The following SHROOM2 variants were observed in gnomAD, a reference collection of about 807,000 sequenced individuals.
SHROOM2 encodes the protein shroom family member 2.
In SHROOM2, 33 loss-of-function variants were observed where a neutral mutation model predicts 75.9. The observed-to-expected ratio is 0.43, with a 90% confidence interval of 0.33 to 0.58. SHROOM2 has a LOEUF of 0.58. SHROOM2 is among the 20% of genes least tolerant of loss of function. The probability of loss-of-function intolerance (pLI) is 0.04; values close to 1 mark genes in which losing one functional copy is unlikely to be tolerated. For missense variants in SHROOM2, 1,434 were observed against 1,461.2 expected (o/e 0.98, Z 0.30); for synonymous variants, 655 against 663.6 (o/e 0.99, Z 0.20).
intron 1 of SHROOM2, among the ~76,000 whole-genome samples, chrX:9,793,351 A>G (rs1170210499): frequency 9.3e-6 from 1 of 107,141 alleles, no homozygotes; most frequent in Non-Finnish European, 1.9e-5. Context: ...GTGCAATGGC[A>G]TGATCTCGGC....
intron 8 of SHROOM2, among the ~76,000 whole-genome samples, chrX:9,941,699 C>T (rs1006804230): frequency 9.9e-5 from 11 of 110,741 alleles, no homozygotes; most frequent in East Asian, 2.8e-4. Context: ...CGGCCGGGCG[C>T]GGTGGCTCAC....
At chrX:9,938,508 G>A (rs900097544) in intron 7 of SHROOM2, among the ~76,000 whole-genome samples, 3 of 111,930 alleles carry the variant, frequency 2.7e-5, no homozygotes, top group African/African-American at 9.8e-5. Flanking sequence ...AGCTATGATG[G>A]TGCCACTGCA....
rs1003656051 is a variant in SHROOM2, at chrX:9,882,962, C to T, written c.318-8015C>T. 2.7e-5 allele frequency among the ~76,000 whole-genome samples: 3 copies of T among 112,459 alleles called. No homozygotes were observed. In the Admixed American group the frequency reaches 2.8e-4, roughly 11 times the overall value. On this transcript the variant is annotated intron_variant, in intron 2 of 9. Coordinates refer to ENST00000380913, the MANE Select transcript of SHROOM2 (RefSeq NM_001649.4). ...ATGTCACCATTCACGCAGGCATTGC[C>T]GCACCACTGCCTGGGAAAAGACACT... is the stretch of plus-strand genomic sequence containing the variant.
intron 1 of SHROOM2, among the ~76,000 whole-genome samples, chrX:9,814,140 C>T (rs1295348630): frequency 8.9e-6 from 1 of 111,803 alleles, no homozygotes; most frequent in African/African-American, 3.3e-5. Flanking sequence ...ATCCCAATCT[C>T]CCTAAGCCTT....
In SHROOM2 at chrX:9,896,845, G is replaced by A. The variant is rs753608320; in HGVS notation, c.2790+147G>A. 9 of 630,679 alleles carry A rather than the reference G, an allele frequency of 1.4e-5. No homozygotes were observed. In the East Asian group the frequency reaches 3.5e-4, roughly 24 times the overall value. The allele number at this position is 630,679 out of a possible 1,213,427, so 52.0% of individuals were successfully genotyped here. On this transcript the variant is annotated intron_variant, in intron 4 of 9. Transcript: ENST00000380913. ...GATCTCCTAGTGTCCTCTGTTAGAGGTATTTGGGGACAAAGTTGACACCTT... is the reference window on the plus strand; with the variant it reads ...GATCTCCTAGTGTCCTCTGTTAGAGATATTTGGGGACAAAGTTGACACCTT...
chrX:9,876,298 C>T (rs1448659801), intron 2 of SHROOM2, among the ~76,000 whole-genome samples: 1 of 112,181 alleles, frequency 8.9e-6, no homozygotes, highest in Non-Finnish European at 1.9e-5. Flanking sequence ...TGCTCTCACA[C>T]AACACTCAAC....
In SHROOM2 at chrX:9,949,091, A is replaced by G. The variant is rs2084848830; in HGVS notation, c.*2154A>G. The G allele has an allele frequency of 4.4e-6, 1 of 226,180 alleles. No homozygotes were observed. The highest frequency in any genetic ancestry group is 8.4e-6 in the Non-Finnish European group (1 of 118,727). 18.6% of individuals were successfully genotyped at this position (226,180 alleles called of 1,213,427 possible). A position where few individuals can be genotyped will look rare whatever the true frequency, so the allele number is the denominator to read the frequency against. On this transcript the variant is annotated 3_prime_UTR_variant, in exon 10 of 10. Transcript: ENST00000380913. ...TGCTCGAGTATCCTTGTAGCAAAGCACATAGAGCCAGCTGTCCTGTCAGTT... is the reference window on the plus strand; with the variant it reads ...TGCTCGAGTATCCTTGTAGCAAAGCGCATAGAGCCAGCTGTCCTGTCAGTT...
At position 9,809,096 on chromosome X, in the gene SHROOM2, TAGTC is replaced by T. The variant is rs1057197532; in HGVS notation, c.165+22389_165+22392del. 2.8e-5 allele frequency among the ~76,000 whole-genome samples: 3 copies of T among 107,182 alleles called. No homozygotes were observed. In the Admixed American group the frequency reaches 3.1e-4, roughly 11 times the overall value. 93.1% of individuals were successfully genotyped at this position (107,182 alleles called of 115,157 possible). A position where few individuals can be genotyped will look rare whatever the true frequency, so the allele number is the denominator to read the frequency against. Reference sequence around the variant, plus strand: ...CCCACACTGATCTGCTTTCTCTTATTAGTCAGGGTTCTCTAGAGAGACAGAACTA... The same window carrying T: ...CCCACACTGATCTGCTTTCTCTTATTAGGGTTCTCTAGAGAGACAGAACTA... On this transcript the variant is annotated intron_variant, in intron 1 of 9. Transcript: ENST00000380913.
intron 1 of SHROOM2, among the ~76,000 whole-genome samples, chrX:9,847,109 T>C (rs1422603384): frequency 8.9e-6 from 1 of 112,219 alleles, no homozygotes; most frequent in African/African-American, 3.2e-5. Context: ...TGGTGTTAGC[T>C]CAGTATCCAT....
At position 9,911,801 on chromosome X, in the gene SHROOM2, T is replaced by C. The variant is rs758829187; in HGVS notation, c.2891+13511T>C. Among the ~76,000 whole-genome samples the C allele has an allele frequency of 3.6e-5, 4 of 111,430 alleles. No homozygotes were observed. The South Asian group carries it at 1.5e-3, about 43-fold the overall frequency. On this transcript the variant is annotated intron_variant, in intron 5 of 9. Transcript: ENST00000380913. ...TAATCAACCCAAGAATATATGGACA[T>C]AGAATAGGCTGTTGAATGTTTTCTT...
intron 1 of SHROOM2, among the ~76,000 whole-genome samples, chrX:9,868,542 C>T (rs1178432351): frequency 9.2e-6 from 1 of 108,753 alleles, no homozygotes; most frequent in African/African-American, 3.3e-5. Flanking sequence ...CCGTGCCCAG[C>T]CTTTTATTTT....
chrX:9,943,403 G>A (rs774110835), intron 8 of SHROOM2, among the ~76,000 whole-genome samples: 9 of 110,823 alleles, frequency 8.1e-5, no homozygotes, highest in Non-Finnish European at 1.1e-4. Flanking sequence ...ATCAGGGCAC[G>A]ACCACTTGAA....
intron 2 of SHROOM2, among the ~76,000 whole-genome samples, chrX:9,887,165 T>C (rs895511735): frequency 1.8e-5 from 2 of 112,159 alleles, no homozygotes; most frequent in Non-Finnish European, 3.8e-5. Context: ...GGCTAACTGC[T>C]GGTTTAGGTT....
Position 9,895,209 on chromosome X carries a change from A to G in SHROOM2, c.1301A>G (p.Asp434Gly), listed in dbSNP as rs149149058. Residue 434 changes from aspartate to glycine, a missense_variant, in exon 4 of 10, where the codon GAC (aspartate) becomes GGC (glycine). Coordinates refer to ENST00000380913, the MANE Select transcript of SHROOM2 (RefSeq NM_001649.4). ...GGCCGACACCCTCCCCTATACAGCG[A>G]CCACAGCCCCCTCTGTGCTGACAGC... ...HSGRHPPLYS[D>G]HSPLCADSLG... 94 of 1,206,582 alleles carry G rather than the reference A, an allele frequency of 7.8e-5. No individual in the cohort carries two copies. Among genetic ancestry groups the G allele is most frequent in the South Asian group, 2.3e-4 (13 of 56,077 alleles).
chrX:9,868,261 T>A (rs1360052548), intron 1 of SHROOM2, among the ~76,000 whole-genome samples: 2 of 109,873 alleles, frequency 1.8e-5, no homozygotes, highest in Non-Finnish European at 3.8e-5. Context: ...TTATTTATTT[T>A]TTTAGATGAA....
At position 9,896,681 on chromosome X, in the gene SHROOM2, A is replaced by G. The variant is rs1410857507; in HGVS notation, c.2773A>G (p.Thr925Ala). The change falls in exon 4 of 10, where the codon ACA becomes GCA. Residue 925 changes from threonine (T) to alanine (A), a missense_variant. By Grantham distance (58) the Thr-to-Ala change is moderately conservative. Transcript: ENST00000380913. Reference protein sequence around the residue: ...VHGRSRSSPSTDHYKQEASVE... With the variant: ...VHGRSRSSPSADHYKQEASVE... ...TGGGAGGTCCCGGTCTTCACCGTCC[A>G]CAGACCACTACAAGCAGGTAAGCAT... 3 of 1,184,639 alleles carry G rather than the reference A, an allele frequency of 2.5e-6. No individual in the cohort carries two copies. The highest frequency in any genetic ancestry group is 3.5e-5 in the African/African-American group (2 of 57,397).
chrX:9,935,717 G>T (rs1156558912), intron 6 of SHROOM2, among the ~76,000 whole-genome samples: 1 of 111,699 alleles, frequency 9.0e-6, no homozygotes, highest in Non-Finnish European at 1.9e-5. Context: ...ACCAGTGAAA[G>T]AGGGAAAAAC....
intron 1 of SHROOM2, among the ~76,000 whole-genome samples, chrX:9,828,564 C>T (rs936252106): frequency 1.8e-5 from 2 of 111,378 alleles, no homozygotes; most frequent in Non-Finnish European, 3.8e-5. Flanking sequence ...TCACTGCAAC[C>T]TCCAACTCTC....
At chrX:9,824,836 G>T (rs1218061446) in intron 1 of SHROOM2, among the ~76,000 whole-genome samples, 2 of 111,421 alleles carry the variant, frequency 1.8e-5, no homozygotes, top group African/African-American at 3.3e-5. Flanking sequence ...TCACCATCAG[G>T]ACGTTCACTT....
Sources: gnomAD v4.1 joint callset for allele counts (sites outside exome capture counted in the v4.1 genomes callset) on GRCh38, gnomAD v4.1.1 for gene constraint, MANE v1.5 for transcripts, NCBI Gene and HGNC (gene_info 2026-07-23, HGNC 2026-07-21) for gene names.